CHL1: variants seen among roughly 807,000 people sequenced by gnomAD.
CHL1 encodes cell adhesion molecule L1 like.
A neutral mutation model predicts 141.9 loss-of-function variants in CHL1; 96 were observed. The observed-to-expected ratio is 0.68, with a 90% CI of 0.57 to 0.80. The LOEUF (loss-of-function observed/expected upper bound fraction) is 0.80. CHL1 is among the 30% of genes least tolerant of loss of function. CHL1 has a pLI of 0.00. For synonymous variants in CHL1, 613 were observed against 502.2 expected (o/e 1.22, Z -2.95); for missense variants, 1,820 against 1,457.2 (o/e 1.25, Z -4.05).
intron 5 of CHL1, among the ~76,000 whole-genome samples, chr3:338,801 C>T (rs1575107915): frequency 6.6e-6 from 1 of 152,140 alleles, no homozygotes; most frequent in Non-Finnish European, 1.5e-5. Context: ...AGTTGAATTA[C>T]AAATTTACAT....
chr3:278,654 G>C (rs928673315), intron 2 of CHL1, among the ~76,000 whole-genome samples: 3 of 152,134 alleles, frequency 2.0e-5, no homozygotes, highest in African/African-American at 7.2e-5. Context: ...AGAATAAATT[G>C]TATTTGGAAA....
chr3:336,672 C>G (rs1441818236), intron 5 of CHL1, among the ~76,000 whole-genome samples: 1 of 152,138 alleles, frequency 6.6e-6, no homozygotes, highest in African/African-American at 2.4e-5. Flanking sequence ...GGGCTAGAAC[C>G]TAGTTTATGC....
intron 15 of CHL1, among the ~76,000 whole-genome samples, chr3:375,220 C>G (rs1322651196): frequency 6.6e-6 from 1 of 152,078 alleles, no homozygotes; most frequent in South Asian, 2.1e-4. Flanking sequence ...TGGAGCATGG[C>G]TATGAAACCA....
rs1023688899 is a variant in CHL1 at position 258,421 on chromosome 3, A to T, written c.-95+13729A>T. The stretch of plus-strand genomic sequence containing the variant: ...TCTCCCTCTTGGGGCTTTCAAGTCC[A>T]AGCTTGGAGTCATGTTTGTAGGAGC... On this transcript the variant is annotated intron_variant, in intron 2 of 27. Transcript: ENST00000256509. Among the ~76,000 whole-genome samples the T allele has an allele frequency of 3.3e-5, 5 of 152,342 alleles. No individual in the cohort carries two copies. The South Asian group carries it at 6.2e-4, about 19-fold the overall frequency.
At chr3:258,233 G>A (rs1222214943) in intron 2 of CHL1, among the ~76,000 whole-genome samples, 3 of 152,190 alleles carry the variant, frequency 2.0e-5, no homozygotes, top group East Asian at 1.9e-4. Context: ...AGAATATTGT[G>A]TCTTGGGGAA....
chr3:355,832 A>G (rs1703664335), intron 11 of CHL1, among the ~76,000 whole-genome samples: 1 of 152,296 alleles, frequency 6.6e-6, no homozygotes, highest in South Asian at 2.1e-4. Context: ...GTGATGGTTT[A>G]TAAACTCTGG....
At position 266,381 on chromosome 3, in the gene CHL1, A is replaced by G. The variant is rs981329391; in HGVS notation, c.-95+21689A>G. ...TTCTACATGGGAAGGATGCATTGGA[A>G]GCAACCTGGTTAGAAGGGGGCTGGG... is the stretch of plus-strand genomic sequence containing the variant. On this transcript the variant is annotated intron_variant, in intron 2 of 27. Coordinates refer to ENST00000256509, the MANE Select transcript of CHL1 (RefSeq NM_006614.4). 1.4e-4 allele frequency among the ~76,000 whole-genome samples: 22 copies of G among 152,288 alleles called. No homozygotes were observed. In the South Asian group the frequency reaches 2.9e-3, roughly 20 times the overall value.
chr3:287,751 G>A (rs889392167), intron 2 of CHL1, among the ~76,000 whole-genome samples: 3 of 150,650 alleles, frequency 2.0e-5, no homozygotes, highest in African/African-American at 7.4e-5. Context: ...TAGATACATT[G>A]CTCCACTGGT....
At chr3:270,543 T>G (rs555138334) in intron 2 of CHL1, among the ~76,000 whole-genome samples, 1 of 152,300 alleles carries the variant, frequency 6.6e-6, no homozygotes, top group East Asian at 1.9e-4. Context: ...AGCCTTGCCT[T>G]GTTTTTGAAG....
chr3:343,406 G>A (rs1015756608), intron 8 of CHL1, among the ~76,000 whole-genome samples: 1 of 152,182 alleles, frequency 6.6e-6, no homozygotes, highest in Non-Finnish European at 1.5e-5. Flanking sequence ...CTGCGTTTAA[G>A]AAAGTTAAGT....
In CHL1 at chr3:398,463, T is replaced by C; in HGVS notation, c.3253+78T>C. The C allele has an allele frequency of 3.8e-6, 3 of 798,586 alleles. No homozygotes were observed. In the South Asian group the frequency reaches 8.1e-5, roughly 22 times the overall value. 49.5% of individuals were successfully genotyped at this position (798,586 alleles called of 1,614,324 possible). A position where few individuals can be genotyped will look rare whatever the true frequency, so the allele number is the denominator to read the frequency against. ...AATACTTAGTGTTGCCTGTGTCCTATATTAAACATAAAAACACTGAGTGTA... is the reference window on the plus strand; with the variant it reads ...AATACTTAGTGTTGCCTGTGTCCTACATTAAACATAAAAACACTGAGTGTA... On this transcript the variant is annotated intron_variant, in intron 25 of 27. Transcript: ENST00000256509.
chr3:353,987 C>A (rs1703488288), intron 10 of CHL1, among the ~76,000 whole-genome samples: 1 of 152,070 alleles, frequency 6.6e-6, no homozygotes, highest in African/African-American at 2.4e-5. Context: ...AGTATTGTTA[C>A]ACTGGAGCAT....
At chr3:393,189 A>C (rs1393747356) in intron 23 of CHL1, among the ~76,000 whole-genome samples, 6 of 138,080 alleles carry the variant, frequency 4.3e-5, no homozygotes, top group African/African-American at 1.0e-4. Context: ...GCTGAGATGG[A>C]GCCACTGCAC....
At chr3:323,468 A>G (rs1296003403) in intron 3 of CHL1, among the ~76,000 whole-genome samples, 1 of 152,136 alleles carries the variant, frequency 6.6e-6, no homozygotes, top group Non-Finnish European at 1.5e-5. Context: ...TCATTTGTAG[A>G]TTAAAAAAAG....
At chr3:372,420 C>A (rs981845499) in intron 15 of CHL1, among the ~76,000 whole-genome samples, 1 of 152,126 alleles carries the variant, frequency 6.6e-6, no homozygotes, top group African/African-American at 2.4e-5. Flanking sequence ...CTTGTGTATG[C>A]TTCATGAAGT....
At chr3:333,739 T>C (rs999035484) in intron 5 of CHL1, among the ~76,000 whole-genome samples, 1 of 152,172 alleles carries the variant, frequency 6.6e-6, no homozygotes, top group African/African-American at 2.4e-5. Flanking sequence ...TGCATGTATA[T>C]GGTGATTGGG....
At chr3:247,628 C>T (rs3864046) in intron 2 of CHL1, 29,814 of 151,958 alleles carry the variant, frequency 0.2, 3,211 homozygotes, top group East Asian at 0.38. Flanking sequence ...CTGGATCCTG[C>T]TATCTTGGCA....
chr3:252,042 T>C (rs932175025), intron 2 of CHL1, among the ~76,000 whole-genome samples: 3 of 152,030 alleles, frequency 2.0e-5, no homozygotes, highest in Non-Finnish European at 2.9e-5. Flanking sequence ...GGTTAAACTT[T>C]CCAACCACCA....
At chr3:296,504 G>A (rs951337935) in intron 2 of CHL1, among the ~76,000 whole-genome samples, 1 of 151,724 alleles carries the variant, frequency 6.6e-6, no homozygotes, top group Non-Finnish European at 1.5e-5. Context: ...TTAGAACCAC[G>A]GTCGTCGGCA....
Sources: gnomAD v4.1 joint callset for allele counts (sites outside exome capture counted in the v4.1 genomes callset) on GRCh38, gnomAD v4.1.1 for gene constraint, MANE v1.5 for transcripts, NCBI Gene and HGNC (gene_info 2026-07-23, HGNC 2026-07-21) for gene names.